UMODL1: variants seen among roughly 807,000 people sequenced by gnomAD.
UMODL1 encodes the protein uromodulin like 1, also known as uromodulin-like 1.
Under a neutral mutation model 136.3 loss-of-function variants are expected in UMODL1, and 128 were observed. The observed-to-expected ratio is 0.94, with a 90% CI of 0.81 to 1.09. The LOEUF (loss-of-function observed/expected upper bound fraction) is 1.09, where lower values mean the gene tolerates loss of function less well. Among genes scored for constraint, UMODL1 ranks in the 50% least tolerant of loss-of-function variants. The probability of loss-of-function intolerance (pLI) is 0.00; values close to 1 mark genes in which losing one functional copy is unlikely to be tolerated. For missense variants in UMODL1, 1,766 were observed against 1,725.6 expected (o/e 1.02, Z -0.41); for synonymous variants, 721 against 720.0 (o/e 1.00, Z -0.02).
chr21:42,120,029 C>G (rs1004371449), intron 15 of UMODL1, among the ~76,000 whole-genome samples: 1 of 151,050 alleles, frequency 6.6e-6, no homozygotes, highest in African/African-American at 2.4e-5. Context: ...ATATTAAGAA[C>G]CTGATGGATA....
chr21:42,071,474 G>A (rs1466058156), intron 1 of UMODL1, 82 bp downstream of exon 1: 1 of 1,363,384 alleles, frequency 7.3e-7, no homozygotes, highest in East Asian at 2.8e-5. Context: ...GCCCCCTGTG[G>A]AGACCTGGGC....
At chr21:42,086,840 C>A (rs578101774) in intron 4 of UMODL1, among the ~76,000 whole-genome samples, 109 of 152,332 alleles carry the variant, frequency 7.2e-4, no homozygotes, top group Admixed American at 2.1e-3. Context: ...GTGGCACGTG[C>A]CTGTAATCCC....
rs997696056 is a variant in UMODL1, at chr21:42,083,992, C to A, written c.320-92C>A. On this transcript the variant is annotated intron_variant, in intron 2 of 22. Coordinates refer to ENST00000408910, the MANE Select transcript of UMODL1 (RefSeq NM_001004416.3). The stretch of plus-strand genomic sequence containing the variant: ...AGGCCACAGACCTACAGGCAGAATT[C>A]AGCACCAGGAAGCACCGACGTGAGG... The A allele has an allele frequency of 2.7e-6, 4 of 1,485,920 alleles. No individual in the cohort carries two copies. The African/African-American group carries it at 4.1e-5, about 15-fold the overall frequency. The allele number at this position is 1,485,920 out of a possible 1,614,324, so 92.0% of individuals were successfully genotyped here. A position where few individuals can be genotyped will look rare whatever the true frequency, so the allele number is the denominator to read the frequency against.
chr21:42,088,507 G>T, intron 5 of UMODL1, 27 bp downstream of exon 5: 1 of 1,575,288 alleles, frequency 6.3e-7, no homozygotes, highest in South Asian at 1.1e-5. Flanking sequence ...TCCTCCCTCT[G>T]GGGAGGCTGC....
chr21:42,073,378 C>T (rs921852338), intron 1 of UMODL1, among the ~76,000 whole-genome samples: 2 of 152,188 alleles, frequency 1.3e-5, no homozygotes, highest in African/African-American at 2.4e-5. Flanking sequence ...TGTTCCACCC[C>T]GTACGATGAG....
At chr21:42,073,591 C>T (rs1308543803) in intron 1 of UMODL1, among the ~76,000 whole-genome samples, 1 of 152,138 alleles carries the variant, frequency 6.6e-6, no homozygotes, top group East Asian at 1.9e-4. Flanking sequence ...CTGTGTTCTG[C>T]CCAGAGCAAA....
Position 42,137,435 on chromosome 21 carries a change from C to G in UMODL1, c.3776-4C>G, listed in dbSNP as rs777396140. ...CTCTCACCTGTGCCTGTCTCCTCCC[C>G]GAGGTGAGCCTCCTCATGCAGAAGC... On this transcript the variant is annotated splice_polypyrimidine_tract_variant and splice_region_variant and intron_variant, in intron 21 of 22. Coordinates refer to ENST00000408910, the MANE Select transcript of UMODL1 (RefSeq NM_001004416.3). The G allele has an allele frequency of 4.8e-5, 77 of 1,613,866 alleles. No individual in the cohort carries two copies. The highest frequency in any genetic ancestry group is 1.7e-4 in the Admixed American group (10 of 60,008).
chr21:42,128,205 TACTA>T (rs2123370394), intron 20 of UMODL1: 7 of 333,426 alleles, frequency 2.1e-5, no homozygotes, highest in South Asian at 1.7e-4. Flanking sequence ...TGATGGAACA[TACTA>T]AATATCAGAC....
At chr21:42,087,484 G>T (rs2066439630) in intron 4 of UMODL1, among the ~76,000 whole-genome samples, 1 of 152,144 alleles carries the variant, frequency 6.6e-6, no homozygotes, top group Non-Finnish European at 1.5e-5. Context: ...GCTTCCCAAG[G>T]GTTGAGATTT....
intron 6 of UMODL1, among the ~76,000 whole-genome samples, chr21:42,091,023 C>T (rs542222733): frequency 1.3e-5 from 2 of 152,234 alleles, no homozygotes; most frequent in South Asian, 4.1e-4. Flanking sequence ...GTCTTCAGAC[C>T]ACAGGGACTC....
intron 21 of UMODL1, among the ~76,000 whole-genome samples, chr21:42,133,888 T>TTTTTGTTTTGTTTTG (rs375720686): frequency 0.012 from 1,844 of 150,730 alleles, 8 homozygotes; most frequent in Non-Finnish European, 0.014. Context: ...ATATATCTGT[T>TTTTTGTTTTGTTTTG]TTTTGTTTTG....
chr21:42,111,315 C>G, intron 11 of UMODL1, 191 bp from the exon 12 acceptor site: 1 of 1,463,226 alleles, frequency 6.8e-7, no homozygotes, highest in East Asian at 2.6e-5. Context: ...CACGCGAACT[C>G]CAGCCAGGGG....
Position 42,115,994 on chromosome 21 carries a change from G to A in UMODL1, c.2475+9G>A. 6.2e-7 allele frequency: 1 copy of A among 1,604,196 alleles called. No individual in the cohort carries two copies. The highest frequency in any genetic ancestry group is 8.5e-7 in the Non-Finnish European group (1 of 1,171,514). On this transcript the variant is annotated intron_variant, in intron 14 of 22. Transcript: ENST00000408910. ...AACTATTCTTCAGGATGGTGAGTTGGTGATATCAGCCCTTAATTCCTTTCA... is the reference window on the plus strand; with the variant it reads ...AACTATTCTTCAGGATGGTGAGTTGATGATATCAGCCCTTAATTCCTTTCA...
At position 42,123,070 on chromosome 21, in the gene UMODL1, T is replaced by A; in HGVS notation, c.3067T>A (p.Ser1023Thr). Residue 1023 changes from serine (S) to threonine (T), a missense_variant, in exon 17 of 23, where the codon TCC (serine) becomes ACC (threonine). Transcript: ENST00000408910. This position sits in a 1 kb window ranked among gnomAD's most constrained non-coding sequence, Gnocchi z 4.4. ...PESSLYLSHP[S>T]CNVSHSNGTH... ...GTCCTCGTTGTACCTCAGCCACCCCTCCTGCAACGTGAGCCACAGCAATGG... is the reference window on the plus strand; with the variant it reads ...GTCCTCGTTGTACCTCAGCCACCCCACCTGCAACGTGAGCCACAGCAATGG... The A allele has an allele frequency of 6.2e-7, 1 of 1,614,032 alleles. No homozygotes were observed. Among genetic ancestry groups the A allele is most frequent in the Non-Finnish European group, 8.5e-7 (1 of 1,180,012 alleles).
intron 16 of UMODL1, among the ~76,000 whole-genome samples, chr21:42,121,918 G>A (rs943238172): frequency 6.6e-6 from 1 of 152,200 alleles, no homozygotes; most frequent in Non-Finnish European, 1.5e-5. Context: ...CATGGTGGGT[G>A]GGTGCCGTGG....
At chr21:42,119,878 GA>G (rs1261448128) in intron 15 of UMODL1, among the ~76,000 whole-genome samples, 3 of 152,128 alleles carry the variant, frequency 2.0e-5, no homozygotes, top group African/African-American at 7.2e-5. Flanking sequence ...ATTTTTAGAG[GA>G]AAACGATGAG....
intron 21 of UMODL1, 38 bp downstream of exon 21, chr21:42,129,835 A>G: frequency 1.4e-6 from 2 of 1,432,090 alleles, no homozygotes; most frequent in Non-Finnish European, 1.9e-6. Context: ...GAAAGAAAAG[A>G]TGCAACCGAT....
intron 19 of UMODL1, 109 bp from the exon 20 acceptor site, chr21:42,127,563 C>T (rs1013388661): frequency 2.4e-6 from 3 of 1,271,778 alleles, no homozygotes; most frequent in Middle Eastern, 2.6e-4. Context: ...TTCCACGGAG[C>T]CTGTGGAATC....
At chr21:42,097,495 G>A (rs983886815) in intron 6 of UMODL1, among the ~76,000 whole-genome samples, 3 of 152,194 alleles carry the variant, frequency 2.0e-5, no homozygotes, top group Admixed American at 1.3e-4. Flanking sequence ...AAAGGGAAAT[G>A]AGTTGGACAG....
Sources: allele counts gnomAD v4.1 joint callset (sites outside exome capture counted in the v4.1 genomes callset), GRCh38; gene constraint gnomAD v4.1.1; non-coding constraint Gnocchi (gnomAD v3.1); transcripts MANE v1.5; gene names NCBI Gene and HGNC (gene_info 2026-07-23, HGNC 2026-07-21).